The following MARCHF1 variants were observed in gnomAD, a reference collection of about 807,000 sequenced individuals.
MARCHF1 encodes membrane associated ring-CH-type finger 1, also known as E3 ubiquitin-protein ligase MARCHF1.
A neutral mutation model predicts 54.2 loss-of-function variants in MARCHF1; 40 were observed. That is an observed-to-expected ratio of 0.74 (90% CI 0.57 to 0.96). The LOEUF (loss-of-function observed/expected upper bound fraction) is 0.96, where lower values mean the gene tolerates loss of function less well. Among genes scored for constraint, MARCHF1 ranks in the 40% least tolerant of loss-of-function variants. The pLI is 0.00. For missense variants in MARCHF1, 586 were observed against 656.5 expected, an observed-to-expected ratio of 0.89 and a Z score of 1.17; for synonymous variants, 236 against 236.3, an observed-to-expected ratio of 1.00 and a Z score of 0.01.
chr4:164,107,118 G>A (rs1560907614), intron 2 of MARCHF1, among the ~76,000 whole-genome samples: 1 of 152,114 alleles, frequency 6.6e-6, no homozygotes, highest in Non-Finnish European at 1.5e-5. Context: ...ACAAAGCTAT[G>A]TGCTAAAATG....
At chr4:163,563,207 C>CTTAATA (rs1203923277) in intron 8 of MARCHF1, among the ~76,000 whole-genome samples, 1 of 152,122 alleles carries the variant, frequency 6.6e-6, no homozygotes. Context: ...TATTATCTGC[C>CTTAATA]TTAATATTAA....
chr4:164,083,551 C>T (rs1389861734), intron 2 of MARCHF1, among the ~76,000 whole-genome samples: 1 of 151,872 alleles, frequency 6.6e-6, no homozygotes, highest in Non-Finnish European at 1.5e-5. Flanking sequence ...TTCCTTTATG[C>T]AGAAAACAAG....
intron 4 of MARCHF1, among the ~76,000 whole-genome samples, chr4:163,843,578 G>A (rs1329170698): frequency 6.6e-6 from 1 of 151,636 alleles, no homozygotes; most frequent in Non-Finnish European, 1.5e-5. Flanking sequence ...TGCAGGATGC[G>A]CAGGTTTGTT....
chr4:163,613,371 G>A lies in MARCHF1; in HGVS notation c.185C>T (p.Thr62Ile). ...ISKASSPTTG[T>I]APRSQSRLSV... ...CAACCTTGACTGGCTCCTGGGAGCT[G>A]TCCCTGTTGTTGGGCTGCTTGCCTG... Residue 62 changes from threonine to isoleucine, a missense_variant, in exon 6 of 10, where the codon ACA (threonine) becomes ATA (isoleucine). Physicochemically the swap from Thr to Ile is moderately conservative, Grantham distance 89. Transcript: ENST00000514618. 1.2e-6 allele frequency: 2 copies of A among 1,613,278 alleles called. No homozygotes were observed. The highest frequency in any genetic ancestry group is 2.2e-5 in the East Asian group (1 of 44,862).
At chr4:163,632,588 A>T (rs1264758802) in intron 5 of MARCHF1, among the ~76,000 whole-genome samples, 1 of 152,172 alleles carries the variant, frequency 6.6e-6, no homozygotes, top group Non-Finnish European at 1.5e-5. Context: ...CCTGGCTTGG[A>T]GGGTCCTATG....
intron 5 of MARCHF1, among the ~76,000 whole-genome samples, chr4:163,674,012 C>T (rs1159691208): frequency 1.3e-5 from 2 of 152,134 alleles, no homozygotes; most frequent in Admixed American, 6.5e-5. Flanking sequence ...CTCCTCAGGC[C>T]TTGAACTGGT....
chr4:163,707,983 A>C (rs1744998890), intron 4 of MARCHF1, among the ~76,000 whole-genome samples: 5 of 151,866 alleles, frequency 3.3e-5, no homozygotes, highest in Admixed American at 3.3e-4. Context: ...GCCACAGGGA[A>C]ACTAGAAGGC....
At chr4:164,346,080 T>C (rs1250705201) in intron 1 of MARCHF1, among the ~76,000 whole-genome samples, 3 of 152,194 alleles carry the variant, frequency 2.0e-5, no homozygotes, top group African/African-American at 7.2e-5. Flanking sequence ...CCACTCTGGT[T>C]AAGAGCTGAC....
intron 1 of MARCHF1, among the ~76,000 whole-genome samples, chr4:164,249,631 G>C (rs993134919): frequency 3.3e-5 from 5 of 151,856 alleles, no homozygotes; most frequent in Admixed American, 6.6e-5. Context: ...TATATTTCAA[G>C]AAGTTTTTTC....
chr4:164,094,121 G>T (rs1305293890), intron 2 of MARCHF1, among the ~76,000 whole-genome samples: 3 of 152,096 alleles, frequency 2.0e-5, no homozygotes, highest in African/African-American at 4.8e-5. Context: ...TCTGTCTTCT[G>T]TCTGCTGTGC....
chr4:163,733,207 A>ATATATATATATACACATG, intron 4 of MARCHF1, among the ~76,000 whole-genome samples: 1 of 19,226 alleles, frequency 5.2e-5, no homozygotes, highest in African/African-American at 9.3e-5. Context: ...ATATATATAT[A>ATATATATATATACACATG]TATATATATA....
intron 5 of MARCHF1, among the ~76,000 whole-genome samples, chr4:163,647,616 G>A (rs536333731): frequency 2.6e-5 from 4 of 151,888 alleles, no homozygotes; most frequent in East Asian, 3.9e-4. Flanking sequence ...AAAGAAATTT[G>A]GAAAGTTGGC....
intron 2 of MARCHF1, among the ~76,000 whole-genome samples, chr4:164,016,587 A>G (rs994724546): frequency 1.4e-4 from 21 of 152,262 alleles, no homozygotes; most frequent in African/African-American, 4.8e-4. Flanking sequence ...CGTGTTCACT[A>G]ATATGTAGGA....
At chr4:164,069,490 G>A (rs1187957529) in intron 2 of MARCHF1, among the ~76,000 whole-genome samples, 3 of 152,104 alleles carry the variant, frequency 2.0e-5, no homozygotes, top group Admixed American at 1.3e-4. Context: ...AAGCCAGTGA[G>A]ACCACGAACC....
At chr4:164,309,455 C>G (rs1171191736) in intron 1 of MARCHF1, among the ~76,000 whole-genome samples, 1 of 152,160 alleles carries the variant, frequency 6.6e-6, no homozygotes, top group Non-Finnish European at 1.5e-5. Context: ...TATTGCTGGT[C>G]AAATGCTCAT....
chr4:163,612,187 A>G, intron 7 of MARCHF1, 84 bp downstream of exon 7: 1 of 1,141,736 alleles, frequency 8.8e-7, no homozygotes, highest in South Asian at 2.0e-5. Flanking sequence ...TTAAGTTTTG[A>G]GGGTAGGTGT....
chr4:164,166,796 A>G (rs1342529889), intron 1 of MARCHF1, among the ~76,000 whole-genome samples: 2 of 151,840 alleles, frequency 1.3e-5, no homozygotes, highest in African/African-American at 4.8e-5. Context: ...AATTCAGTGA[A>G]TTTTCAGGAT....
chr4:163,658,961 T>C (rs1013500730), intron 5 of MARCHF1, among the ~76,000 whole-genome samples: 6 of 151,336 alleles, frequency 4.0e-5, no homozygotes, highest in African/African-American at 1.5e-4. Flanking sequence ...ATAAAAAGGA[T>C]CAAGAAAAGA....
At chr4:164,360,689 C>A (rs1229550001) in intron 1 of MARCHF1, among the ~76,000 whole-genome samples, 24 of 152,052 alleles carry the variant, frequency 1.6e-4, no homozygotes, top group Admixed American at 1.6e-3. Context: ...CATGGATATG[C>A]TTGGAGAAAC....
Sources: allele counts gnomAD v4.1 joint callset (sites outside exome capture counted in the v4.1 genomes callset), GRCh38; gene constraint gnomAD v4.1.1; transcripts MANE v1.5; gene names NCBI Gene and HGNC (gene_info 2026-07-23, HGNC 2026-07-21).